MCTP1: variants seen among roughly 807,000 people sequenced by gnomAD.
MCTP1 encodes the protein multiple C2 and transmembrane domain-containing protein 1.
In MCTP1, 69 loss-of-function variants were observed where a neutral mutation model predicts 120.6. That is an observed-to-expected ratio of 0.57 (90% CI 0.47 to 0.70). The LOEUF is 0.70. Ranked by LOEUF, MCTP1 falls within the 30% of genes least tolerant of loss-of-function variation. The probability of loss-of-function intolerance (pLI) is 0.00; values close to 1 mark genes in which losing one functional copy is unlikely to be tolerated. For synonymous variants in MCTP1, 529 were observed against 493.1 expected, an observed-to-expected ratio of 1.07 and a Z score of -0.96; for missense variants, 1,203 against 1,248.8, an observed-to-expected ratio of 0.96 and a Z score of 0.55.
Position 95,219,812 on chromosome 5 carries a change from C to T in MCTP1, c.720+64044G>A, listed in dbSNP as rs528937855. 1.2e-4 allele frequency among the ~76,000 whole-genome samples: 19 copies of T among 152,306 alleles called. No homozygotes were observed. The South Asian group carries it at 1.9e-3, about 15-fold the overall frequency. ...TGCCTGTAACTGTCCCTTCATTTGA[C>T]TCCCCACTATTAAGCTCATTTAGAA... On this transcript the variant is annotated intron_variant, in intron 1 of 22. Coordinates refer to ENST00000515393, the MANE Select transcript of MCTP1 (RefSeq NM_024717.7).
intron 1 of MCTP1, among the ~76,000 whole-genome samples, chr5:95,097,072 T>C (rs11739153): frequency 0.5 from 75,948 of 151,918 alleles, 21,063 homozygotes; most frequent in Admixed American, 0.63. Context: ...TTTCCCCTGA[T>C]TATATCAGCA....
chr5:94,749,654 C>CAAAAAAAAAAAA (rs57404381), intron 19 of MCTP1, among the ~76,000 whole-genome samples: 10 of 50,962 alleles, frequency 2.0e-4, no homozygotes, highest in African/African-American at 7.1e-4. Flanking sequence ...GACTTCATCT[C>CAAAAAAAAAAAA]AAAAAAAAAA....
chr5:95,068,895 T>C (rs2152204145), intron 1 of MCTP1: 1 of 856,202 alleles, frequency 1.2e-6, no homozygotes, highest in Non-Finnish European at 1.6e-6. Flanking sequence ...ATATCAATAG[T>C]AGTTTTTTAT....
At position 95,143,108 on chromosome 5, in the gene MCTP1, T is replaced by A. The variant is rs190841347; in HGVS notation, c.721-125624A>T. 1.3e-3 allele frequency among the ~76,000 whole-genome samples: 203 copies of A among 152,304 alleles called. 2 individuals are homozygous for A. The highest frequency in any genetic ancestry group is 4.4e-3 in the African/African-American group (183 of 41,568). ...TACACCAAAGACAGTTACCATGTAT[T>A]ATAGGCATTCCTCCTTCCACAGGAC... On this transcript the variant is annotated intron_variant, in intron 1 of 22. Coordinates refer to ENST00000515393, the MANE Select transcript of MCTP1 (RefSeq NM_024717.7).
intron 2 of MCTP1, 68 bp from the exon 3 acceptor site, chr5:94,953,429 G>A: frequency 8.0e-7 from 1 of 1,253,372 alleles, no homozygotes; most frequent in Non-Finnish European, 1.1e-6. Context: ...CCACTCTTTT[G>A]AAACAACAAA....
At chr5:94,749,392 C>T (rs1430396781) in intron 19 of MCTP1, among the ~76,000 whole-genome samples, 1 of 152,110 alleles carries the variant, frequency 6.6e-6, no homozygotes, top group Non-Finnish European at 1.5e-5. Context: ...TGGTGGCTCA[C>T]GTCTGTAATC....
intron 3 of MCTP1, among the ~76,000 whole-genome samples, chr5:94,943,791 A>T (rs958125977): frequency 6.6e-6 from 1 of 152,106 alleles, no homozygotes; most frequent in African/African-American, 2.4e-5. Context: ...ATGGAAAAAA[A>T]AAACGCTACC....
chr5:95,038,538 G>T (rs1841763837), intron 1 of MCTP1, among the ~76,000 whole-genome samples: 1 of 152,158 alleles, frequency 6.6e-6, no homozygotes, highest in South Asian at 2.1e-4. Flanking sequence ...TGTGTGTAAT[G>T]ATTTCCTTCA....
At chr5:94,771,215 T>G (rs531425491) in intron 19 of MCTP1, among the ~76,000 whole-genome samples, 1 of 152,158 alleles carries the variant, frequency 6.6e-6, no homozygotes, top group Non-Finnish European at 1.5e-5. Flanking sequence ...TACTTTATAG[T>G]CTCTGTAAAA....
chr5:94,895,874 C>T (rs72775379), intron 10 of MCTP1, among the ~76,000 whole-genome samples: 3,909 of 152,032 alleles, frequency 0.026, 78 homozygotes, highest in Non-Finnish European at 0.043. Context: ...GGACTAGACA[C>T]GAATGGGAGG....
intron 17 of MCTP1, among the ~76,000 whole-genome samples, chr5:94,832,296 G>C (rs1156967189): frequency 6.6e-6 from 1 of 152,122 alleles, no homozygotes; most frequent in Non-Finnish European, 1.5e-5. Context: ...TACTTCCATT[G>C]CCAAGGGGGT....
chr5:94,854,976 A>C (rs904207847), intron 17 of MCTP1, among the ~76,000 whole-genome samples: 2 of 151,832 alleles, frequency 1.3e-5, no homozygotes, highest in African/African-American at 4.8e-5. Context: ...AAGCCTACCT[A>C]GTAACTTTCA....
chr5:94,979,167 A>AT (rs1249324223), intron 2 of MCTP1: 1 of 150,968 alleles, frequency 6.6e-6, no homozygotes, highest in Non-Finnish European at 1.5e-5. Flanking sequence ...CTAATCAAAC[A>AT]ATTTTCCTAC....
At chr5:94,784,537 T>C (rs1292860624) in intron 18 of MCTP1, among the ~76,000 whole-genome samples, 1 of 152,086 alleles carries the variant, frequency 6.6e-6, no homozygotes, top group African/African-American at 2.4e-5. Flanking sequence ...CAAACTGGTA[T>C]AATTAATTGT....
chr5:94,731,483 G>A (rs958848357), intron 19 of MCTP1, among the ~76,000 whole-genome samples: 2 of 152,130 alleles, frequency 1.3e-5, no homozygotes. Context: ...TTATCTGAGT[G>A]CTGATAGATT....
intron 2 of MCTP1, among the ~76,000 whole-genome samples, chr5:94,986,039 T>C (rs754322575): frequency 2.6e-5 from 4 of 152,188 alleles, no homozygotes; most frequent in African/African-American, 4.8e-5. Context: ...TGTAATAAAG[T>C]AGAAAAATAT....
At chr5:94,870,846 A>C in intron 15 of MCTP1, 26 bp downstream of exon 15, 6 of 1,492,230 alleles carry the variant, frequency 4.0e-6, no homozygotes, top group Non-Finnish European at 5.6e-6. Flanking sequence ...CTTTAGCAGT[A>C]CAAAAAAGCC....
intron 19 of MCTP1, among the ~76,000 whole-genome samples, chr5:94,751,940 A>G (rs1350890072): frequency 1.5e-5 from 2 of 130,834 alleles, no homozygotes; most frequent in Admixed American, 7.8e-5. Flanking sequence ...GGGGAACATC[A>G]CACTCCGGGG....
intron 19 of MCTP1, among the ~76,000 whole-genome samples, chr5:94,740,087 T>C (rs970372899): frequency 6.6e-6 from 1 of 152,246 alleles, no homozygotes; most frequent in East Asian, 1.9e-4. Context: ...ATTGGAAATA[T>C]ATGTATATGT....
Sources: gnomAD v4.1 joint callset for allele counts (sites outside exome capture counted in the v4.1 genomes callset) on GRCh38, gnomAD v4.1.1 for gene constraint, MANE v1.5 for transcripts, NCBI Gene and HGNC (gene_info 2026-07-23, HGNC 2026-07-21) for gene names.